PRKN: variants seen among roughly 807,000 people sequenced by gnomAD.
PRKN encodes parkin RBR E3 ubiquitin protein ligase.
In PRKN, 56 loss-of-function variants were observed where a neutral mutation model predicts 59.5. That is an observed-to-expected ratio of 0.94 (90% confidence interval 0.76 to 1.18). The LOEUF (loss-of-function observed/expected upper bound fraction) is 1.18, where lower values mean the gene tolerates loss of function less well. Among genes scored for constraint, PRKN ranks in the 50% most tolerant of loss-of-function variants. The probability of loss-of-function intolerance (pLI) is 0.00; values close to 1 mark genes in which losing one functional copy is unlikely to be tolerated. For synonymous variants in PRKN, 250 were observed against 222.1 expected (o/e 1.13, Z -1.12); for missense variants, 657 against 596.4 (o/e 1.10, Z -1.06).
intron 2 of PRKN, among the ~76,000 whole-genome samples, chr6:162,334,174 ATGC>A (rs1783722452): frequency 6.6e-6 from 1 of 152,212 alleles, no homozygotes; most frequent in Admixed American, 6.5e-5. Flanking sequence ...GAAGCAACAA[ATGC>A]TGCTGTAGAA....
chr6:162,622,011 C>T (rs1350358947), intron 1 of PRKN, among the ~76,000 whole-genome samples: 1 of 152,036 alleles, frequency 6.6e-6, no homozygotes, highest in African/African-American at 2.4e-5. Flanking sequence ...CGGGGCTTCA[C>T]CATGTTGGCC....
intron 5 of PRKN, among the ~76,000 whole-genome samples, chr6:162,018,406 C>A (rs570021226): frequency 1.3e-5 from 2 of 152,274 alleles, no homozygotes; most frequent in South Asian, 4.1e-4. Flanking sequence ...TGCTCATATC[C>A]CATTCTTGGG....
At chr6:162,215,351 C>A (rs1428258903) in intron 3 of PRKN, among the ~76,000 whole-genome samples, 1 of 152,114 alleles carries the variant, frequency 6.6e-6, no homozygotes, top group Non-Finnish European at 1.5e-5. Context: ...TTTCAGCTTG[C>A]AAAAGATAAA....
intron 7 of PRKN, among the ~76,000 whole-genome samples, chr6:161,597,836 GCACACA>G (rs35750936): frequency 1.3e-5 from 2 of 150,014 alleles, no homozygotes; most frequent in African/African-American, 4.9e-5. Context: ...TCCAGCGTGC[GCACACA>G]CACACACACA....
intron 1 of PRKN, among the ~76,000 whole-genome samples, chr6:162,603,072 G>C (rs1781772302): frequency 6.6e-6 from 1 of 152,056 alleles, no homozygotes; most frequent in African/African-American, 2.4e-5. Context: ...ACAAAACAAA[G>C]GATTTTTTCT....
chr6:161,526,818 T>G lies in PRKN; in HGVS notation c.1083+22036A>C, dbSNP rs115191371. ...ATAAAATACATACAAATTTATTACATACATATGCATGAGAGTCCCTCAAAA... is the reference window on the plus strand; with the variant it reads ...ATAAAATACATACAAATTTATTACAGACATATGCATGAGAGTCCCTCAAAA... On this transcript the variant is annotated intron_variant, in intron 9 of 11. Transcript: ENST00000366898. The surrounding 1 kb of genome is among the most constrained non-coding windows in gnomAD (Gnocchi z 4.1). 9.3e-3 allele frequency among the ~76,000 whole-genome samples: 1,413 copies of G among 152,254 alleles called. 26 individuals are homozygous for G. The highest frequency in any genetic ancestry group is 0.032 in the African/African-American group (1,335 of 41,544).
Position 162,612,029 on chromosome 6 carries a change from CGAAAAAAA to C in PRKN, c.7+115625_7+115632del, listed in dbSNP as rs1232035906. 3.7e-5 allele frequency among the ~76,000 whole-genome samples: 5 copies of C among 134,848 alleles called. No homozygotes were observed. In the South Asian group the frequency reaches 1.0e-3, roughly 27 times the overall value. 88.5% of individuals were successfully genotyped at this position (134,848 alleles called of 152,430 possible). A position where few individuals can be genotyped will look rare whatever the true frequency, so the allele number is the denominator to read the frequency against. On this transcript the variant is annotated intron_variant, in intron 1 of 11. Coordinates refer to ENST00000366898, the MANE Select transcript of PRKN (RefSeq NM_004562.3). ...TGAAACCCCGTCTCTACTAAAAATA[CGAAAAAAA>C]AAAAAATTAGCTGGGCGTGGTGGCG...
At chr6:162,537,397 G>A in intron 1 of PRKN, among the ~76,000 whole-genome samples, 1 of 152,068 alleles carries the variant, frequency 6.6e-6, no homozygotes, top group Admixed American at 6.6e-5. Flanking sequence ...GAGTTGCCAG[G>A]GGTTTCCGCA....
chr6:162,188,692 A>C (rs1305184198), intron 4 of PRKN, among the ~76,000 whole-genome samples: 1 of 149,956 alleles, frequency 6.7e-6, no homozygotes, highest in East Asian at 1.9e-4. Context: ...CGTAAGTTTA[A>C]TACAGAAGGA....
intron 1 of PRKN, among the ~76,000 whole-genome samples, chr6:162,611,261 T>C (rs1782133693): frequency 6.6e-6 from 1 of 152,180 alleles, no homozygotes; most frequent in African/African-American, 2.4e-5. Context: ...TATCAATGAA[T>C]GGATAAATTA....
chr6:161,366,620 A>G (rs1290896714), intron 10 of PRKN, among the ~76,000 whole-genome samples: 1 of 152,190 alleles, frequency 6.6e-6, no homozygotes, highest in Non-Finnish European at 1.5e-5. Context: ...CTTAATATGT[A>G]GACAAGATTG....
chr6:161,489,549 A>C (rs1777467378), intron 9 of PRKN, among the ~76,000 whole-genome samples: 1 of 152,070 alleles, frequency 6.6e-6, no homozygotes, highest in African/African-American at 2.4e-5. Context: ...GAAAGAGCAA[A>C]ACTCCATCTC....
intron 7 of PRKN, among the ~76,000 whole-genome samples, chr6:161,711,978 T>A (rs1562625531): frequency 6.6e-6 from 1 of 152,212 alleles, no homozygotes; most frequent in Non-Finnish European, 1.5e-5. Context: ...CTGGCTTTTT[T>A]GCTCCTCAAC....
At position 161,680,752 on chromosome 6, in the gene PRKN, TATATATATATATATATATA is replaced by T. The variant is rs1371777985; in HGVS notation, c.871+105001_871+105019del. ...ATATATATATATATATATATATATA[TATATATATATATATATATA>T]TATATTTTTTTTTTTTTTTCTTTTC... On this transcript the variant is annotated intron_variant, in intron 7 of 11. Transcript: ENST00000366898. 9.0e-4 allele frequency among the ~76,000 whole-genome samples: 30 copies of T among 33,430 alleles called. 1 individual carries two copies. Among genetic ancestry groups the T allele is most frequent in the African/African-American group, 3.5e-3 (25 of 7,204 alleles). The allele number at this position is 33,430 out of a possible 152,430, so 21.9% of individuals were successfully genotyped here.
chr6:161,915,411 A>AC (rs1185551392), intron 6 of PRKN, among the ~76,000 whole-genome samples: 7 of 152,036 alleles, frequency 4.6e-5, no homozygotes, highest in Admixed American at 3.3e-4. Context: ...TTCACTCTTA[A>AC]CCCTCACATC....
At chr6:161,755,140 G>A (rs769769069) in intron 7 of PRKN, among the ~76,000 whole-genome samples, 21 of 152,122 alleles carry the variant, frequency 1.4e-4, no homozygotes, top group Non-Finnish European at 2.6e-4. Flanking sequence ...TACCCATAGC[G>A]TGTGACAGTT....
chr6:161,571,426 A>G (rs1780885319), intron 7 of PRKN, among the ~76,000 whole-genome samples: 1 of 152,236 alleles, frequency 6.6e-6, no homozygotes, highest in Non-Finnish European at 1.5e-5. Flanking sequence ...GAGAGTGGTC[A>G]GAAGCCCTGA....
intron 2 of PRKN, among the ~76,000 whole-genome samples, chr6:162,363,732 T>C (rs1785274160): frequency 6.6e-6 from 1 of 152,194 alleles, no homozygotes; most frequent in Non-Finnish European, 1.5e-5. Context: ...TATTGTGATA[T>C]AAAATTACAA....
chr6:162,057,012 A>C (rs1197810417), intron 4 of PRKN, among the ~76,000 whole-genome samples: 1 of 152,010 alleles, frequency 6.6e-6, no homozygotes, highest in Non-Finnish European at 1.5e-5. Context: ...TATGTGTGTG[A>C]CAGGACAGCA....
Sources: gnomAD v4.1 joint callset for allele counts (sites outside exome capture counted in the v4.1 genomes callset) on GRCh38, gnomAD v4.1.1 for gene constraint, Gnocchi (gnomAD v3.1) non-coding constraint, MANE v1.5 for transcripts, NCBI Gene and HGNC (gene_info 2026-07-23, HGNC 2026-07-21) for gene names.